LSP1: variants seen among roughly 807,000 people sequenced by gnomAD.
LSP1 encodes the protein lymphocyte specific protein 1, also known as lymphocyte-specific protein 1.
Under a neutral mutation model 49.3 loss-of-function variants are expected in LSP1, and 32 were observed. The observed-to-expected ratio is 0.65, with a 90% CI of 0.49 to 0.87. The LOEUF (loss-of-function observed/expected upper bound fraction) is 0.87. LSP1 is among the 40% of genes least tolerant of loss of function. LSP1 has a pLI of 0.00. For missense variants in LSP1, 428 were observed against 442.6 expected (o/e 0.97, Z 0.30); for synonymous variants, 179 against 178.8 (o/e 1.00, Z -0.01).
chr11:1,889,336 G>GGCGCCCATGGGCCTCCGCCAC, intron 10 of LSP1: 1 of 711,210 alleles, frequency 1.4e-6, no homozygotes. Context: ...GGCCCTGCCA[G>GGCGCCCATGGGCCTCCGCCAC]GCGCCCTTGG....
chr11:1,870,525 G>A (rs1305932342), intron 1 of LSP1: 1 of 1,176,058 alleles, frequency 8.5e-7, no homozygotes. Flanking sequence ...CAGACATGGT[G>A]TGGGGGTGTC....
chr11:1,883,489 G>C lies in LSP1; in HGVS notation c.427G>C (p.Glu143Gln). Residue 143 changes from glutamate to glutamine, a missense_variant, in exon 4 of 11, where the codon GAG becomes CAG. By Grantham distance (29) the Glu-to-Gln change is conservative (BLOSUM62 2). Coordinates refer to ENST00000311604, the MANE Select transcript of LSP1 (RefSeq NM_002339.3). ...CCTGGAGGAGTTGAGTCTGAGCAAG[G>C]AGGGGCCAGGCCCAGAGGACACTGT... ...VHLEELSLSK[E>Q]GPGPEDTVQD... 1 of 1,614,074 alleles carries C rather than the reference G, an allele frequency of 6.2e-7. No homozygotes were observed. Among genetic ancestry groups the C allele is most frequent in the Non-Finnish European group, 8.5e-7 (1 of 1,180,010 alleles).
Position 1,883,558 on chromosome 11 carries a change from G to A in LSP1, c.496G>A (p.Glu166Lys), listed in dbSNP as rs1170512001. 3 of 1,609,516 alleles carry A rather than the reference G, an allele frequency of 1.9e-6. No individual in the cohort carries two copies. In the East Asian group the frequency reaches 6.7e-5, roughly 36 times the overall value. The change falls in exon 4 of 11, where the codon GAG becomes AAG. Residue 166 changes from glutamate (E) to lysine (K), a missense_variant and splice_region_variant. Transcript: ENST00000311604. The part of the protein sequence containing the change: ...GAAGAEEEQE[E>K]HQKCQQPRTP... ...CGCAGGGGCTGAGGAGGAACAGGAG[G>A]AGGTGATGGCTCCACCTCAGAGGGT...
Position 1,884,241 on chromosome 11 carries a change from C to T in LSP1, c.592-39C>T, listed in dbSNP as rs201806012. On this transcript the variant is annotated intron_variant, in intron 5 of 10. Coordinates refer to ENST00000311604, the MANE Select transcript of LSP1 (RefSeq NM_002339.3). This position sits in a 1 kb window ranked among gnomAD's most constrained non-coding sequence, Gnocchi z 4.1. Reference sequence around the variant, plus strand: ...GGGAGATGGAGGGTGGGCTTTACCTCGGCTGCTGCAGGCCTGTGTCTCTCT... The same window carrying T: ...GGGAGATGGAGGGTGGGCTTTACCTTGGCTGCTGCAGGCCTGTGTCTCTCT... 6.0e-5 allele frequency: 97 copies of T among 1,612,344 alleles called. No individual in the cohort carries two copies. In the African/African-American group the frequency reaches 6.1e-4, roughly 10 times the overall value.
intron 3 of LSP1, 120 bp from the exon 4 acceptor site, chr11:1,883,299 A>G (rs1651598351): frequency 7.8e-7 from 1 of 1,274,268 alleles, no homozygotes; most frequent in African/African-American, 1.5e-5. Flanking sequence ...ATCCCTTGGC[A>G]CTCAAGTAGC....
At chr11:1,870,739 CAG>C in intron 1 of LSP1, 1 of 1,002,248 alleles carries the variant, frequency 1.0e-6, no homozygotes, top group Non-Finnish European at 1.2e-6. Flanking sequence ...CATCTGTGGG[CAG>C]AGACTTCAGG....
intron 1 of LSP1, chr11:1,869,346 G>C (rs1163745167): frequency 3.2e-6 from 1 of 313,310 alleles, no homozygotes; most frequent in Admixed American, 4.2e-5. Flanking sequence ...AAGTGACAGA[G>C]AAAAGAAAGA....
chr11:1,860,440 C>G (rs955713261), intron 1 of LSP1, among the ~76,000 whole-genome samples: 2 of 151,860 alleles, frequency 1.3e-5, no homozygotes, highest in Non-Finnish European at 2.9e-5. Context: ...GAGTATAACT[C>G]ATGCATAAAT....
At chr11:1,887,641 G>C in intron 10 of LSP1, 65 bp downstream of exon 10, 24 of 1,346,576 alleles carry the variant, frequency 1.8e-5, no homozygotes, top group Non-Finnish European at 2.5e-5. Context: ...TGGGAACTTG[G>C]CAACCTGGAG....
Position 1,866,897 on chromosome 11 carries a change from C to A in LSP1, c.54-13190C>A, listed in dbSNP as rs948401412. 8.6e-6 allele frequency: 13 copies of A among 1,519,642 alleles called. No individual in the cohort carries two copies. The African/African-American group carries it at 1.8e-4, about 21-fold the overall frequency. 94.1% of individuals were successfully genotyped at this position (1,519,642 alleles called of 1,614,324 possible). On this transcript the variant is annotated intron_variant, in intron 1 of 10. Coordinates refer to ENST00000311604, the MANE Select transcript of LSP1 (RefSeq NM_002339.3). ...AGCATCCGTCCAGCGGGCCCAGCACCAACTGCAGCCCCAGGTGAGCAAGCC... is the reference window on the plus strand; with the variant it reads ...AGCATCCGTCCAGCGGGCCCAGCACAAACTGCAGCCCCAGGTGAGCAAGCC...
intron 1 of LSP1, 35 bp downstream of exon 1, chr11:1,853,232 C>G: frequency 1.9e-6 from 3 of 1,597,478 alleles, no homozygotes; most frequent in African/African-American, 1.3e-5. Flanking sequence ...CGCCCTGTGC[C>G]GTGTCCACGG....
chr11:1,872,979 G>T (rs894529097), intron 1 of LSP1, among the ~76,000 whole-genome samples: 10 of 151,488 alleles, frequency 6.6e-5, no homozygotes, highest in Admixed American at 6.6e-4. Context: ...GGTGGGGGGT[G>T]GGGGTATAGG....
intron 1 of LSP1, among the ~76,000 whole-genome samples, chr11:1,874,634 G>A (rs1412017790): frequency 1.3e-5 from 2 of 152,140 alleles, no homozygotes; most frequent in African/African-American, 2.4e-5. Context: ...GAGGGAGGTG[G>A]GCTGGATGAG....
intron 1 of LSP1, among the ~76,000 whole-genome samples, chr11:1,859,306 T>C (rs1201806368): frequency 6.6e-6 from 1 of 152,066 alleles, no homozygotes; most frequent in African/African-American, 2.4e-5. Flanking sequence ...GTCCCCAGTC[T>C]CCAGCTGCTC....
In LSP1 at chr11:1,884,004, C is replaced by T; in HGVS notation, c.571C>T (p.Pro191Ser). ...GGGGACCATCGAACAGAGCTCGCCT[C>T]CCCTGAGCCCTACCACCAAAGTAAG... ...LEGTIEQSSP[P>S]LSPTTKLIDR... Residue 191 changes from proline to serine, a missense_variant, in exon 5 of 11, where the codon CCC becomes TCC. Physicochemically the swap from Pro to Ser is moderately conservative, Grantham distance 74. Transcript: ENST00000311604. This position sits in a 1 kb window ranked among gnomAD's most constrained non-coding sequence, Gnocchi z 4.1. 1 of 1,612,388 alleles carries T rather than the reference C, an allele frequency of 6.2e-7. No homozygotes were observed. Among genetic ancestry groups the T allele is most frequent in the African/African-American group, 1.3e-5 (1 of 74,916 alleles).
chr11:1,868,691 C>T (rs1372000383), intron 1 of LSP1: 10 of 985,666 alleles, frequency 1.0e-5, no homozygotes, highest in African/African-American at 1.7e-5. Context: ...AGTCGGTCTT[C>T]GGACAGAGCC....
At chr11:1,882,786 C>G (rs571673814) in intron 3 of LSP1, among the ~76,000 whole-genome samples, 1 of 152,214 alleles carries the variant, frequency 6.6e-6, no homozygotes. Flanking sequence ...TTGGCTGGCA[C>G]GCACACCCAG....
intron 4 of LSP1, 146 bp from the exon 5 acceptor site, chr11:1,883,786 C>A: frequency 1.1e-6 from 1 of 902,528 alleles, no homozygotes; most frequent in Non-Finnish European, 1.7e-6. Context: ...CTCAGTCCCT[C>A]CCCACCAGCT....
At chr11:1,890,960 T>A in intron 10 of LSP1, 1 of 202,622 alleles carries the variant, frequency 4.9e-6, no homozygotes, top group East Asian at 1.1e-4. Flanking sequence ...GAGACGCGGG[T>A]GAGCCCCAAG....
Sources: gnomAD v4.1 joint callset for allele counts (sites outside exome capture counted in the v4.1 genomes callset) on GRCh38, gnomAD v4.1.1 for gene constraint, Gnocchi (gnomAD v3.1) non-coding constraint, MANE v1.5 for transcripts, NCBI Gene and HGNC (gene_info 2026-07-23, HGNC 2026-07-21) for gene names.